Variants in PCNT observed in about 807,000 individuals in gnomAD.
PCNT encodes kendrin.
In PCNT, 319 loss-of-function variants were observed where a neutral mutation model predicts 380.4. The observed-to-expected ratio is 0.84, with a 90% CI of 0.77 to 0.92. PCNT has a LOEUF of 0.92. Among genes scored for constraint, PCNT ranks in the 40% least tolerant of loss-of-function variants. The pLI is 0.00. For missense variants in PCNT, 4,400 were observed against 4,255.3 expected (o/e 1.03, Z -0.95); for synonymous variants, 1,845 against 1,735.2 (o/e 1.06, Z -1.57).
At chr21:46,402,217 C>T (rs2147501656) in intron 26 of PCNT, 114 bp from the exon 27 acceptor site, 2 of 724,922 alleles carry the variant, frequency 2.8e-6, no homozygotes, top group South Asian at 3.9e-5. Context: ...GTAGTAATTG[C>T]TTTAGGCATG....
At chr21:46,433,596 T>C (rs1293066035) in intron 38 of PCNT, among the ~76,000 whole-genome samples, 1 of 152,174 alleles carries the variant, frequency 6.6e-6, no homozygotes, top group Non-Finnish European at 1.5e-5. Context: ...AAGGAGTCTT[T>C]ACTTTTTGAG....
chr21:46,437,267 C>T (rs1223208516), intron 40 of PCNT, among the ~76,000 whole-genome samples, 186 bp downstream of exon 40: 1 of 152,020 alleles, frequency 6.6e-6, no homozygotes, highest in Non-Finnish European at 1.5e-5. Flanking sequence ...GGACGGATGT[C>T]CTCCATGTCC....
intron 3 of PCNT, among the ~76,000 whole-genome samples, chr21:46,341,980 T>C (rs2083922953): frequency 6.6e-6 from 1 of 151,774 alleles, no homozygotes; most frequent in African/African-American, 2.4e-5. Flanking sequence ...CCCGCTCTGT[T>C]GCCCAGCCTC....
chr21:46,377,242 C>A (rs1284216900), intron 15 of PCNT, among the ~76,000 whole-genome samples: 1 of 152,230 alleles, frequency 6.6e-6, no homozygotes, highest in East Asian at 1.9e-4. Context: ...GCCCTCCTGG[C>A]CGTGCTGGGC....
In PCNT at chr21:46,351,457, A is replaced by G; in HGVS notation, c.1373A>G (p.Asp458Gly). The change falls in exon 9 of 47, where the codon GAC becomes GGC. Residue 458 changes from aspartate (D) to glycine (G), a missense_variant. Physicochemically the swap from Asp to Gly is moderately conservative, Grantham distance 94. Coordinates refer to ENST00000359568, the MANE Select transcript of PCNT (RefSeq NM_006031.6). ...ELENLQASYE[D>G]LKAQSQEEIR... The stretch of plus-strand genomic sequence containing the variant: ...GAGAATCTTCAAGCATCATATGAAG[A>G]CCTGAAGGCACAATCACAAGAAGAG... 1 of 1,611,438 alleles carries G rather than the reference A, an allele frequency of 6.2e-7. No homozygotes were observed. Among genetic ancestry groups the G allele is most frequent in the Non-Finnish European group, 8.5e-7 (1 of 1,177,596 alleles).
intron 31 of PCNT, among the ~76,000 whole-genome samples, chr21:46,418,550 C>T (rs934398672): frequency 3.9e-5 from 6 of 152,240 alleles, no homozygotes; most frequent in African/African-American, 1.2e-4. Flanking sequence ...TCACCCTGAT[C>T]CAAGGCTGGC....
chr21:46,372,399 T>G (rs1466602521), intron 15 of PCNT, among the ~76,000 whole-genome samples: 1 of 151,682 alleles, frequency 6.6e-6, no homozygotes, highest in Non-Finnish European at 1.5e-5. Flanking sequence ...ACGCAGCACA[T>G]GCACACATAC....
At chr21:46,436,904 T>C in intron 39 of PCNT, 75 bp from the exon 40 acceptor site, 1 of 1,040,340 alleles carries the variant, frequency 9.6e-7, no homozygotes, top group Non-Finnish European at 1.5e-6. Context: ...TCTTGAGCCG[T>C]GAGCTCTTGT....
chr21:46,353,892 G>A (rs2084374152), intron 10 of PCNT, 95 bp from the exon 11 acceptor site: 3 of 1,069,624 alleles, frequency 2.8e-6, no homozygotes, highest in East Asian at 2.5e-5. Context: ...ACGAGGAGGC[G>A]CCTCTGCTGT....
intron 33 of PCNT, 110 bp downstream of exon 33, chr21:46,426,081 T>TA (rs2087488832): frequency 9.4e-7 from 1 of 1,063,962 alleles, no homozygotes; most frequent in African/African-American, 4.0e-5. Context: ...TTTTTTTTTT[T>TA]TTTTTTTTTT....
Position 46,431,829 on chromosome 21 carries a change from G to T in PCNT, c.8365G>T (p.Ala2789Ser). The part of the protein sequence containing the change: ...CVHQDTQAHH[A>S]LLQKLKEEKS... ...GCACCAGGACACACAGGCCCATCAC[G>T]CTCTGCTGCAGAAGCTGAAGGAGGA... The change falls in exon 38 of 47, where the codon GCT becomes TCT. Residue 2789 changes from alanine to serine, a missense_variant. Ala to Ser is a moderately conservative substitution (Grantham distance 99). Transcript: ENST00000359568. 1.2e-6 allele frequency: 2 copies of T among 1,613,830 alleles called. No individual in the cohort carries two copies. The highest frequency in any genetic ancestry group is 1.7e-6 in the Non-Finnish European group (2 of 1,180,028).
Position 46,419,310 on chromosome 21 carries a change from C to T in PCNT, c.7024+1004C>T, listed in dbSNP as rs191787887. 8.2e-4 allele frequency among the ~76,000 whole-genome samples: 125 copies of T among 152,268 alleles called. 1 individual carries two copies. The highest frequency in any genetic ancestry group is 1.5e-3 in the Non-Finnish European group (103 of 68,034). Reference sequence around the variant, plus strand: ...TGACAGTTATGGGTGCTGAGGGGACCGTTTCCTGAGCAGCCTGTGTCCCAG... The same window carrying T: ...TGACAGTTATGGGTGCTGAGGGGACTGTTTCCTGAGCAGCCTGTGTCCCAG... On this transcript the variant is annotated intron_variant, in intron 31 of 46. Transcript: ENST00000359568.
intron 13 of PCNT, among the ~76,000 whole-genome samples, chr21:46,361,673 T>TG (rs2146825455): frequency 6.6e-6 from 1 of 152,324 alleles, no homozygotes; most frequent in African/African-American, 2.4e-5. Context: ...CATTTCTTCT[T>TG]GAAGATCTGA....
intron 43 of PCNT, among the ~76,000 whole-genome samples, chr21:46,442,263 T>C (rs551827924): frequency 6.6e-6 from 1 of 152,002 alleles, no homozygotes; most frequent in African/African-American, 2.4e-5. Flanking sequence ...CAGTGAGGCT[T>C]TGTCAGGTGG....
At chr21:46,377,467 G>A (rs1444174177) in intron 15 of PCNT, among the ~76,000 whole-genome samples, 1 of 152,152 alleles carries the variant, frequency 6.6e-6, no homozygotes, top group Non-Finnish European at 1.5e-5. Context: ...GGCAACTTTT[G>A]TCAGGCCTTT....
rs142183339 is a variant in PCNT, at chr21:46,337,835, C to T, written c.639+3067C>T. Among the ~76,000 whole-genome samples, 905 of 152,206 alleles carry T rather than the reference C, an allele frequency of 5.9e-3. 5 individuals carry two copies. The highest frequency in any genetic ancestry group is 0.021 in the African/African-American group (855 of 41,504). On this transcript the variant is annotated intron_variant, in intron 3 of 46. Transcript: ENST00000359568. ...AACCTCAGGTGATCCGCCCCCACCT[C>T]GGCCTCCCAAAGTGCTAGGATTACA...
At chr21:46,430,717 C>T (rs116217795) in intron 37 of PCNT, 60 bp downstream of exon 37, 63,416 of 1,548,168 alleles carry the variant, frequency 0.041, 1,678 homozygotes, top group Middle Eastern at 0.088. Context: ...AGCCTGAAGC[C>T]ATGCTCCTCT....
At chr21:46,327,012 C>CAA (rs778654986) in intron 2 of PCNT, among the ~76,000 whole-genome samples, 2 of 125,194 alleles carry the variant, frequency 1.6e-5, no homozygotes, top group Non-Finnish European at 3.4e-5. Context: ...GACTCTCTCT[C>CAA]AAAAAAAAAA....
Position 46,397,584 on chromosome 21 carries a change from C to A in PCNT, c.4446+90C>A, listed in dbSNP as rs1283662737. 2.7e-6 allele frequency: 3 copies of A among 1,123,946 alleles called. No individual in the cohort carries two copies. The South Asian group carries it at 3.9e-5, about 15-fold the overall frequency. 69.6% of individuals were successfully genotyped at this position (1,123,946 alleles called of 1,614,324 possible). A position where few individuals can be genotyped will look rare whatever the true frequency, so the allele number is the denominator to read the frequency against. Reference sequence around the variant, plus strand: ...TTCCAGATCGTTACGTAAGCTTCTGCAGTAGGATGTTGAAGAGGGCGCCCC... The same window carrying A: ...TTCCAGATCGTTACGTAAGCTTCTGAAGTAGGATGTTGAAGAGGGCGCCCC... On this transcript the variant is annotated intron_variant, in intron 22 of 46. Transcript: ENST00000359568.
Sources: gnomAD v4.1 joint callset for allele counts (sites outside exome capture counted in the v4.1 genomes callset) on GRCh38, gnomAD v4.1.1 for gene constraint, MANE v1.5 for transcripts, NCBI Gene and HGNC (gene_info 2026-07-23, HGNC 2026-07-21) for gene names.